Variants in NBEAL2 observed in about 807,000 individuals in gnomAD.
NBEAL2 encodes neurobeachin-like protein 2.
Under a neutral mutation model 299.8 loss-of-function variants are expected in NBEAL2, and 160 were observed. That is an observed-to-expected ratio of 0.53 (90% CI 0.47 to 0.61). NBEAL2 has a LOEUF of 0.61. Ranked by LOEUF, NBEAL2 falls within the 20% of genes least tolerant of loss-of-function variation. The pLI, the probability that NBEAL2 is intolerant of heterozygous loss-of-function variation, is 0.00. For missense variants in NBEAL2, 3,112 were observed against 3,649.0 expected (o/e 0.85, Z 3.79); for synonymous variants, 1,493 against 1,542.3 (o/e 0.97, Z 0.75).
chr3:47,001,776 C>G lies in NBEAL2; in HGVS notation c.4732C>G (p.Gln1578Glu), dbSNP rs2037014967. Residue 1578 changes from glutamine (Q) to glutamate (E), a missense_variant, in exon 30 of 54, where the codon CAG becomes GAG. Physicochemically the swap from Gln to Glu is conservative, Grantham distance 29. Transcript: ENST00000450053. The surrounding 1 kb of genome is among the most constrained non-coding windows in gnomAD (Gnocchi z 6.1). The part of the protein sequence containing the change: ...NGTADLREMA[Q>E]IGLRLVLGYI... Reference sequence around the variant, plus strand: ...CACAGCTGATCTCCGTGAGATGGCGCAGATTGGCCTACGGCTTGTACTTGG... The same window carrying G: ...CACAGCTGATCTCCGTGAGATGGCGGAGATTGGCCTACGGCTTGTACTTGG... 1 of 1,613,918 alleles carries G rather than the reference C, an allele frequency of 6.2e-7. No homozygotes were observed. The highest frequency in any genetic ancestry group is 8.5e-7 in the Non-Finnish European group (1 of 1,179,898).
chr3:47,008,808 G>C, intron 52 of NBEAL2, 140 bp downstream of exon 52: 1 of 1,452,772 alleles, frequency 6.9e-7, no homozygotes, highest in South Asian at 1.2e-5. Flanking sequence ...ATCTTCCCAT[G>C]GGGAGGTCTT....
At chr3:47,006,903 C>T (rs2037486355) in intron 45 of NBEAL2, 163 bp from the exon 46 acceptor site, 1 of 615,686 alleles carries the variant, frequency 1.6e-6, no homozygotes, top group East Asian at 2.8e-5. Flanking sequence ...CTGAGATGCC[C>T]TCCTAAAGTC....
intron 1 of NBEAL2, among the ~76,000 whole-genome samples, chr3:46,986,024 G>A (rs2035651007): frequency 6.6e-6 from 1 of 152,174 alleles, no homozygotes; most frequent in African/African-American, 2.4e-5. Context: ...CAAGCCATGG[G>A]GCCTAGGTCA....
At position 47,001,537 on chromosome 3, in the gene NBEAL2, T is replaced by C. The variant is rs2036991168; in HGVS notation, c.4644+99T>C. On this transcript the variant is annotated intron_variant, in intron 29 of 53. Coordinates refer to ENST00000450053, the MANE Select transcript of NBEAL2 (RefSeq NM_015175.3). This position sits in a 1 kb window ranked among gnomAD's most constrained non-coding sequence, Gnocchi z 6.1. The stretch of plus-strand genomic sequence containing the variant: ...AGGTGGATGGGTACACGTGCGCAGG[T>C]GTGGGTGCATCAGCATGAATGCCTG... 6.4e-7 allele frequency: 1 copy of C among 1,551,146 alleles called. No homozygotes were observed. Among genetic ancestry groups the C allele is most frequent in the Non-Finnish European group, 8.7e-7 (1 of 1,145,132 alleles).
At position 47,002,782 on chromosome 3, in the gene NBEAL2, A is replaced by G. The variant is rs775505666; in HGVS notation, c.5439A>G (p.Pro1813=). 8.3e-6 allele frequency: 11 copies of G among 1,324,220 alleles called. No homozygotes were observed. The highest frequency in any genetic ancestry group is 8.9e-6 in the Non-Finnish European group (9 of 1,008,562). 82.0% of individuals were successfully genotyped at this position (1,324,220 alleles called of 1,614,324 possible). ...CGCTGTGGCGCCAGCTCGCCAGCCC[A>G]TGTGGGGCCTGGGCGCTGAGGTGGG... The part of the protein sequence containing the change: ...WGALWRQLAS[P]CGAWALRDTP... Residue 1813 remains proline, a synonymous_variant, in exon 33 of 54, where the codon CCA becomes CCG. Coordinates refer to ENST00000450053, the MANE Select transcript of NBEAL2 (RefSeq NM_015175.3).
At chr3:47,008,946 C>A (rs759241934) in intron 52 of NBEAL2, 43 bp from the exon 53 acceptor site, 2 of 1,598,044 alleles carry the variant, frequency 1.3e-6, no homozygotes. Context: ...TCGCAAAGCC[C>A]CCTTGCAGTC....
At chr3:46,992,425 C>A in intron 9 of NBEAL2, 50 bp from the exon 10 acceptor site, 1 of 1,515,678 alleles carries the variant, frequency 6.6e-7, no homozygotes, top group Admixed American at 1.9e-5. Flanking sequence ...TCCCATCTTC[C>A]TCCTCTCTTC....
At position 47,001,748 on chromosome 3, in the gene NBEAL2, C is replaced by T. The variant is rs12489851; in HGVS notation, c.4704C>T (p.Asn1568=). ...TGGGAGCCTGGCCCCACCTGGCCAA[C>T]GGCACAGCTGATCTCCGTGAGATGG... ...DRLGAWPHLA[N]GTADLREMAQ... is the part of the protein sequence containing the mutation. Residue 1568 remains asparagine (N), a synonymous_variant, in exon 30 of 54, where the codon AAC becomes AAT. Transcript: ENST00000450053. This position sits in a 1 kb window ranked among gnomAD's most constrained non-coding sequence, Gnocchi z 6.1. The T allele has an allele frequency of 0.028, 45,992 of 1,613,894 alleles. 2,181 individuals carry two copies. The highest frequency in any genetic ancestry group is 0.19 in the Admixed American group (11,347 of 60,016).
chr3:47,001,327 C>T lies in NBEAL2; in HGVS notation c.4533C>T (p.Ala1511=). The part of the protein sequence containing the change: ...LESALTDIKE[A]PVGVLASLTQ... ...CAGCCCTGACCGACATCAAAGAGGCCCCCGTGGGGGTCCTGGCCAGCCTCA... is the reference window on the plus strand; with the variant it reads ...CAGCCCTGACCGACATCAAAGAGGCTCCCGTGGGGGTCCTGGCCAGCCTCA... Residue 1511 remains alanine (A), a synonymous_variant, in exon 29 of 54, where the codon GCC becomes GCT. Coordinates refer to ENST00000450053, the MANE Select transcript of NBEAL2 (RefSeq NM_015175.3). The surrounding 1 kb of genome is among the most constrained non-coding windows in gnomAD (Gnocchi z 6.1). 3 of 1,613,042 alleles carry T rather than the reference C, an allele frequency of 1.9e-6. No homozygotes were observed. Among genetic ancestry groups the T allele is most frequent in the Non-Finnish European group, 2.5e-6 (3 of 1,179,574 alleles).
At position 46,988,620 on chromosome 3, in the gene NBEAL2, T is replaced by A; in HGVS notation, c.52-49T>A. Reference sequence around the variant, plus strand: ...TACATCCCCTTGTCCCTGCCCTGTTTACTGCATCCCTCCTGCCCCCCACCA... The same window carrying A: ...TACATCCCCTTGTCCCTGCCCTGTTAACTGCATCCCTCCTGCCCCCCACCA... On this transcript the variant is annotated intron_variant, in intron 1 of 53. Transcript: ENST00000450053. This position sits in a 1 kb window ranked among gnomAD's most constrained non-coding sequence, Gnocchi z 4.4. The A allele has an allele frequency of 1.3e-6, 2 of 1,515,508 alleles. No individual in the cohort carries two copies. The highest frequency in any genetic ancestry group is 1.8e-6 in the Non-Finnish European group (2 of 1,091,390). The allele number at this position is 1,515,508 out of a possible 1,614,324, so 93.9% of individuals were successfully genotyped here. A position where few individuals can be genotyped will look rare whatever the true frequency, so the allele number is the denominator to read the frequency against.
rs1375050609 is a variant in NBEAL2, at chr3:46,989,039, G to T, written c.270-46G>T. On this transcript the variant is annotated intron_variant, in intron 3 of 53. Coordinates refer to ENST00000450053, the MANE Select transcript of NBEAL2 (RefSeq NM_015175.3). This position sits in a 1 kb window ranked among gnomAD's most constrained non-coding sequence, Gnocchi z 5.5. ...GGCCAGAGGGAGAGGGGACAAGGAG[G>T]GGCATGGTGTATTATTGTGACCTCT... is the stretch of plus-strand genomic sequence containing the variant. 1.2e-6 allele frequency: 2 copies of T among 1,611,808 alleles called. No homozygotes were observed. Among genetic ancestry groups the T allele is most frequent in the South Asian group, 1.1e-5 (1 of 90,768 alleles).
At position 46,991,105 on chromosome 3, in the gene NBEAL2, C is replaced by G. The variant is rs1194650421; in HGVS notation, c.557-114C>G. On this transcript the variant is annotated intron_variant, in intron 6 of 53. Coordinates refer to ENST00000450053, the MANE Select transcript of NBEAL2 (RefSeq NM_015175.3). The surrounding 1 kb of genome is among the most constrained non-coding windows in gnomAD (Gnocchi z 6.2). ...CTTATCCCTCACACTGGATCTTTTA[C>G]TTGGCCCAGCTCCCTCTCCCCTCCA... is the stretch of plus-strand genomic sequence containing the variant. The G allele has an allele frequency of 5.4e-5, 48 of 880,956 alleles. No individual in the cohort carries two copies. The highest frequency in any genetic ancestry group is 7.8e-5 in the Non-Finnish European group (43 of 549,082). The allele number at this position is 880,956 out of a possible 1,614,324, so 54.6% of individuals were successfully genotyped here.
At position 46,997,700 on chromosome 3, in the gene NBEAL2, G is replaced by T. The variant is rs2036606297; in HGVS notation, c.2958+6G>T. On this transcript the variant is annotated splice_donor_region_variant and intron_variant, in intron 20 of 53. Transcript: ENST00000450053. ...TCGGGGCCCTCCTGCGAAAGGTGGG[G>T]CCCGGTGGGACAGGCATGGGGGTTA... 1.3e-6 allele frequency: 2 copies of T among 1,514,920 alleles called. No homozygotes were observed. Among genetic ancestry groups the T allele is most frequent in the African/African-American group, 1.4e-5 (1 of 72,142 alleles). 93.8% of individuals were successfully genotyped at this position (1,514,920 alleles called of 1,614,324 possible). A position where few individuals can be genotyped will look rare whatever the true frequency, so the allele number is the denominator to read the frequency against.
chr3:46,996,731 G>T lies in NBEAL2; in HGVS notation c.2474-20G>T, dbSNP rs2036530723. The T allele has an allele frequency of 6.2e-7, 1 of 1,608,014 alleles. No homozygotes were observed. Among genetic ancestry groups the T allele is most frequent in the Non-Finnish European group, 8.5e-7 (1 of 1,176,968 alleles). ...GGCCAGAGGCCTAGCAAGGTCTGAA[G>T]CCCCCTGCCCACCTCCCAGGGCCCA... On this transcript the variant is annotated intron_variant, in intron 16 of 53. Transcript: ENST00000450053.
chr3:46,998,878 A>G lies in NBEAL2; in HGVS notation c.3383A>G (p.Gln1128Arg). 1 of 1,593,426 alleles carries G rather than the reference A, an allele frequency of 6.3e-7. No individual in the cohort carries two copies. Among genetic ancestry groups the G allele is most frequent in the Non-Finnish European group, 8.5e-7 (1 of 1,170,318 alleles). ...SFLAATGDDG[Q>R]AVGALDLLLA... ...TTGGCGGCCACAGGCGATGACGGTCAGGTAGGCTGGAGGTTGGGGAGCGGG... is the reference window on the plus strand; with the variant it reads ...TTGGCGGCCACAGGCGATGACGGTCGGGTAGGCTGGAGGTTGGGGAGCGGG... The change falls in exon 23 of 54, where the codon CAG becomes CGG. Residue 1128 changes from glutamine to arginine, a missense_variant and splice_region_variant. Around this residue, in one of 3 missense-constraint regions of NBEAL2, gnomAD observed 2,243 missense variants for 2,538.1 expected, o/e 0.88. Transcript: ENST00000450053.
chr3:46,989,597 A>C lies in NBEAL2; in HGVS notation c.556+4A>C. 6.3e-7 allele frequency: 1 copy of C among 1,581,232 alleles called. No homozygotes were observed. The highest frequency in any genetic ancestry group is 8.6e-7 in the Non-Finnish European group (1 of 1,163,400). ...GAATTCAGCGCCTTCTTCCAAGGTC[A>C]GGCCCCGCCCCTGCCCCCACTTGGC... On this transcript the variant is annotated splice_donor_region_variant and intron_variant, in intron 6 of 53. Transcript: ENST00000450053. This position sits in a 1 kb window ranked among gnomAD's most constrained non-coding sequence, Gnocchi z 5.5.
Position 46,989,442 on chromosome 3 carries a change from G to A in NBEAL2, c.473+61G>A, listed in dbSNP as rs952390810. ...GGGTGGGGAGAGGATGGCCGCGCTG[G>A]GCCCAAGGAGGGGTGACGGCCAGGA... is the stretch of plus-strand genomic sequence containing the variant. On this transcript the variant is annotated intron_variant, in intron 5 of 53. Transcript: ENST00000450053. This position sits in a 1 kb window ranked among gnomAD's most constrained non-coding sequence, Gnocchi z 5.5. 17 of 1,564,024 alleles carry A rather than the reference G, an allele frequency of 1.1e-5. No homozygotes were observed. Among genetic ancestry groups the A allele is most frequent in the Non-Finnish European group, 1.5e-5 (17 of 1,154,390 alleles).
At position 46,991,776 on chromosome 3, in the gene NBEAL2, G is replaced by A. The variant is rs1344280249; in HGVS notation, c.926-64G>A. On this transcript the variant is annotated intron_variant, in intron 8 of 53. Transcript: ENST00000450053. The surrounding 1 kb of genome is among the most constrained non-coding windows in gnomAD (Gnocchi z 6.2). ...TGGAAGGTCTGGATAGGGCAGCATA[G>A]GAAGGAAGGCTTAAGGCTGCCTAGA... 7.7e-5 allele frequency: 121 copies of A among 1,562,344 alleles called. No individual in the cohort carries two copies. The highest frequency in any genetic ancestry group is 1.0e-4 in the Non-Finnish European group (117 of 1,152,898).
At chr3:46,999,523 A>T in intron 25 of NBEAL2, 49 bp downstream of exon 25, 1 of 1,583,220 alleles carries the variant, frequency 6.3e-7, no homozygotes, top group Non-Finnish European at 8.6e-7. Flanking sequence ...TCAGAAAAAC[A>T]GGGCAGGCAG....
Sources: allele counts gnomAD v4.1 joint callset (sites outside exome capture counted in the v4.1 genomes callset), GRCh38; gene constraint gnomAD v4.1.1; regional missense constraint gnomAD v4.1.1; non-coding constraint Gnocchi (gnomAD v3.1); transcripts MANE v1.5; gene names NCBI Gene and HGNC (gene_info 2026-07-23, HGNC 2026-07-21).